CC2D2B: variants seen among roughly 807,000 people sequenced by gnomAD.
CC2D2B encodes the protein protein CC2D2B.
In CC2D2B, 128 loss-of-function variants were observed where a neutral mutation model predicts 161.2. The ratio of observed to expected loss-of-function variants is 0.79; its 90% CI spans 0.69 to 0.92. CC2D2B has a LOEUF of 0.92. CC2D2B is among the 40% of genes least tolerant of loss of function. CC2D2B has a pLI of 0.00. For missense variants in CC2D2B, 1,173 were observed against 1,375.1 expected (o/e 0.85, Z 2.32); for synonymous variants, 391 against 449.8 (o/e 0.87, Z 1.65).
At chr10:96,025,190 A>ATATAT (rs1564684381) in intron 33 of CC2D2B, among the ~76,000 whole-genome samples, 17 of 52,944 alleles carry the variant, frequency 3.2e-4, no homozygotes, top group East Asian at 1.6e-3. Flanking sequence ...TATATAAAAA[A>ATATAT]AAATATATAT....
chr10:96,004,157 C>A lies in CC2D2B; in HGVS notation c.2855C>A (p.Pro952Gln). The change falls in exon 25 of 35, where the codon CCA becomes CAA. Residue 952 changes from proline (P) to glutamine (Q), a missense_variant. Around this residue, in one of 3 missense-constraint regions of CC2D2B, gnomAD observed 598 missense variants for 693.2 expected, o/e 0.86. Coordinates refer to ENST00000646931, the MANE Select transcript of CC2D2B (RefSeq NM_001349008.3). ...TATATTTTTCTTATTTGCAGCTCACCAGGACATGATTATAGCTTCTCAAGC... is the reference window on the plus strand; with the variant it reads ...TATATTTTTCTTATTTGCAGCTCACAAGGACATGATTATAGCTTCTCAAGC... The part of the protein sequence containing the change: ...NEEIKVDFVS[P>Q]GHDYSFSSLS... 6.6e-7 allele frequency: 1 copy of A among 1,525,880 alleles called. No individual in the cohort carries two copies. The highest frequency in any genetic ancestry group is 1.3e-5 in the South Asian group (1 of 78,724). 94.5% of individuals were successfully genotyped at this position (1,525,880 alleles called of 1,614,324 possible). A position where few individuals can be genotyped will look rare whatever the true frequency, so the allele number is the denominator to read the frequency against.
intron 32 of CC2D2B, chr10:96,022,799 G>A (rs2079526689): frequency 6.6e-6 from 1 of 152,284 alleles, no homozygotes; most frequent in Non-Finnish European, 1.5e-5. Context: ...GTGCAGTACA[G>A]AGCAATGAAT....
chr10:95,926,848 C>CTGTGTGTGTGTGTGTGTG (rs1209292988), intron 5 of CC2D2B, among the ~76,000 whole-genome samples: 2 of 106,902 alleles, frequency 1.9e-5, no homozygotes, highest in Non-Finnish European at 1.9e-5. Flanking sequence ...GTGTGTGTGT[C>CTGTGTGTGTGTGTGTGTG]TGTGTGTGTG....
At chr10:95,941,338 A>C (rs10882694) in intron 9 of CC2D2B, among the ~76,000 whole-genome samples, 36,121 of 152,064 alleles carry the variant, frequency 0.24, 5,071 homozygotes, top group East Asian at 0.63. Flanking sequence ...AAAATAGAGA[A>C]GTGAGACTAC....
intron 32 of CC2D2B, 23 bp downstream of exon 32, chr10:96,019,847 T>C (rs1295895469): frequency 6.3e-7 from 1 of 1,593,310 alleles, no homozygotes; most frequent in Non-Finnish European, 8.5e-7. Flanking sequence ...TTCCCAGGGG[T>C]GTCTGTATGA....
intron 9 of CC2D2B, among the ~76,000 whole-genome samples, chr10:95,946,176 A>G (rs2076191922): frequency 6.6e-6 from 1 of 152,180 alleles, no homozygotes. Context: ...AGGAACACAT[A>G]AAGTACTTCA....
intron 2 of CC2D2B, chr10:95,919,113 G>A (rs573159347): frequency 1.3e-5 from 2 of 152,100 alleles, no homozygotes; most frequent in African/African-American, 4.8e-5. Context: ...TCCAGAATTG[G>A]TCACTGGTGC....
chr10:95,918,438 C>T (rs1037656214), intron 2 of CC2D2B, among the ~76,000 whole-genome samples: 1 of 152,198 alleles, frequency 6.6e-6, no homozygotes, highest in African/African-American at 2.4e-5. Flanking sequence ...GATTCTGTCA[C>T]TTTCTTTTAG....
At chr10:95,923,160 C>T (rs1276367117) in intron 3 of CC2D2B, among the ~76,000 whole-genome samples, 2 of 152,160 alleles carry the variant, frequency 1.3e-5, no homozygotes, top group African/African-American at 2.4e-5. Context: ...CCATGTTGGT[C>T]AGGCTGGTCT....
intron 15 of CC2D2B, among the ~76,000 whole-genome samples, chr10:95,971,014 A>T (rs1265125636): frequency 6.6e-6 from 1 of 151,958 alleles, no homozygotes; most frequent in Non-Finnish European, 1.5e-5. Context: ...TTCCCCTCTG[A>T]TTTCCTTCTT....
chr10:95,950,862 G>A (rs191763806), intron 10 of CC2D2B, among the ~76,000 whole-genome samples: 17 of 151,588 alleles, frequency 1.1e-4, no homozygotes, highest in African/African-American at 2.9e-4. Context: ...CTCTGTCGCC[G>A]AGGCTAGAGT....
At chr10:95,985,846 G>A (rs1439235738) in intron 19 of CC2D2B, among the ~76,000 whole-genome samples, 6 of 152,086 alleles carry the variant, frequency 3.9e-5, no homozygotes, top group Admixed American at 2.6e-4. Flanking sequence ...TAAAATGGCC[G>A]CTCTAGGGAT....
chr10:96,005,293 T>C (rs1018301825), intron 25 of CC2D2B, among the ~76,000 whole-genome samples: 5 of 152,200 alleles, frequency 3.3e-5, no homozygotes, highest in African/African-American at 7.2e-5. Context: ...GTGCTTTGCA[T>C]TGTTATTAGA....
intron 25 of CC2D2B, 31 bp downstream of exon 25, chr10:96,004,279 T>C (rs1391593535): frequency 8.6e-7 from 1 of 1,159,904 alleles, no homozygotes. Context: ...TAGCCAATGC[T>C]GAAATAATTC....
intron 18 of CC2D2B, among the ~76,000 whole-genome samples, 153 bp downstream of exon 18, chr10:95,982,266 G>A (rs529876999): frequency 6.6e-6 from 1 of 152,258 alleles, no homozygotes; most frequent in Non-Finnish European, 1.5e-5. Flanking sequence ...TTTTCAACCA[G>A]TGTACAATAC....
intron 2 of CC2D2B, among the ~76,000 whole-genome samples, chr10:95,912,970 A>T (rs966416966): frequency 6.6e-6 from 1 of 152,104 alleles, no homozygotes; most frequent in African/African-American, 2.4e-5. Flanking sequence ...TGTTATAAAC[A>T]TTCCAATTGT....
intron 32 of CC2D2B, chr10:96,020,395 G>A (rs1205102783): frequency 6.5e-6 from 1 of 152,848 alleles, no homozygotes; most frequent in East Asian, 1.9e-4. Context: ...GGGAAGGAAA[G>A]CTATAGACTC....
chr10:96,007,019 C>G (rs541168474), intron 25 of CC2D2B, among the ~76,000 whole-genome samples: 16 of 152,204 alleles, frequency 1.1e-4, no homozygotes, highest in African/African-American at 3.9e-4. Flanking sequence ...ATTTTACATA[C>G]TTTTTATTTT....
chr10:95,996,036 A>C (rs1489107599), intron 23 of CC2D2B, 107 bp from the exon 24 acceptor site: 1 of 430,020 alleles, frequency 2.3e-6, no homozygotes, highest in African/African-American at 2.0e-5. Context: ...CATTTGAAAA[A>C]CTAGAAAACT....
Sources: allele counts gnomAD v4.1 joint callset (sites outside exome capture counted in the v4.1 genomes callset), GRCh38; gene constraint gnomAD v4.1.1; regional missense constraint gnomAD v4.1.1; transcripts MANE v1.5; gene names NCBI Gene and HGNC (gene_info 2026-07-23, HGNC 2026-07-21).